Variants in ST18 observed in about 807,000 individuals in gnomAD.
ST18 encodes ST18 C2H2C-type zinc finger transcription factor.
In ST18, 50 loss-of-function variants were observed where a neutral mutation model predicts 110.0. That is an observed-to-expected ratio of 0.45 (90% CI 0.36 to 0.58). The LOEUF is 0.58. ST18 is among the 20% of genes least tolerant of loss of function. The pLI is 0.00. For synonymous variants in ST18, 461 were observed against 452.4 expected, an observed-to-expected ratio of 1.02 and a Z score of -0.24; for missense variants, 1,306 against 1,280.1, an observed-to-expected ratio of 1.02 and a Z score of -0.31.
At chr8:52,297,628 C>T (rs1444561945) in intron 2 of ST18, among the ~76,000 whole-genome samples, 2 of 152,076 alleles carry the variant, frequency 1.3e-5, no homozygotes, top group Non-Finnish European at 2.9e-5. Context: ...AAGTTAAAGG[C>T]ACCTACATCA....
intron 2 of ST18, among the ~76,000 whole-genome samples, chr8:52,304,004 G>A (rs7816526): frequency 0.99 from 150,421 of 152,270 alleles, 74,322 homozygotes; most frequent in East Asian, 1. Flanking sequence ...ATTTGGGGTG[G>A]TGGGGCATCA....
intron 2 of ST18, among the ~76,000 whole-genome samples, chr8:52,246,226 T>A (rs950912699): frequency 3.9e-5 from 6 of 152,034 alleles, no homozygotes; most frequent in African/African-American, 1.4e-4. Flanking sequence ...TTAAATATTT[T>A]TCAATTATAA....
At chr8:52,310,250 C>A (rs2095881548) in intron 2 of ST18, among the ~76,000 whole-genome samples, 1 of 152,154 alleles carries the variant, frequency 6.6e-6, no homozygotes, top group African/African-American at 2.4e-5. Context: ...GTGTTAGCAG[C>A]AGATAGGTAA....
intron 16 of ST18, among the ~76,000 whole-genome samples, chr8:52,144,110 C>T (rs905369187): frequency 2.6e-5 from 4 of 152,068 alleles, no homozygotes; most frequent in Non-Finnish European, 4.4e-5. Flanking sequence ...TCCTATCAAA[C>T]AATTTATTTA....
chr8:52,274,344 A>T (rs186651394), intron 2 of ST18, among the ~76,000 whole-genome samples: 22 of 152,270 alleles, frequency 1.4e-4, no homozygotes, highest in Non-Finnish European at 2.4e-4. Flanking sequence ...CGTAGATAAG[A>T]CATTCACACG....
Position 52,133,078 on chromosome 8 carries a change from T to C in ST18, c.2423A>G (p.Glu808Gly). 6.2e-7 allele frequency: 1 copy of C among 1,614,198 alleles called. No homozygotes were observed. The highest frequency in any genetic ancestry group is 1.1e-5 in the South Asian group (1 of 91,080). Reference protein sequence around the residue: ...GGVKMTPTKEEKEDPELKCPV... With the variant: ...GGVKMTPTKEGKEDPELKCPV... ...TTACTTCAGTTCAGGGTCTTCTTTT[T>C]CTTCCTTGGTAGGGGTCATTTTGAC... is the stretch of plus-strand genomic sequence containing the variant. The change falls in exon 21 of 26, where the codon GAA (glutamate) becomes GGA (glycine). Residue 808 changes from glutamate to glycine, a missense_variant. Transcript: ENST00000689386.
At chr8:52,245,582 A>C (rs1220032510) in intron 2 of ST18, among the ~76,000 whole-genome samples, 2 of 152,090 alleles carry the variant, frequency 1.3e-5, no homozygotes, top group Non-Finnish European at 2.9e-5. Flanking sequence ...GTACCACAAA[A>C]ATTTTCATTC....
intron 15 of ST18, among the ~76,000 whole-genome samples, chr8:52,157,081 G>A (rs1587238901): frequency 1.3e-5 from 2 of 152,192 alleles, no homozygotes; most frequent in East Asian, 3.9e-4. Flanking sequence ...CTCCCGCCAG[G>A]AGCCCAAGAA....
At chr8:52,323,114 G>A (rs192534747) in intron 2 of ST18, among the ~76,000 whole-genome samples, 266 of 152,236 alleles carry the variant, frequency 1.7e-3, no homozygotes, top group Non-Finnish European at 3.2e-3. Context: ...CTATGTTCAG[G>A]AACTCTGTGC....
intron 2 of ST18, among the ~76,000 whole-genome samples, chr8:52,285,933 G>A (rs1170396857): frequency 6.6e-6 from 1 of 152,184 alleles, no homozygotes; most frequent in Admixed American, 6.5e-5. Flanking sequence ...CCTAAACCAT[G>A]TGGTCAAGCT....
At chr8:52,116,769 T>C (rs1373994183) in intron 24 of ST18, among the ~76,000 whole-genome samples, 1 of 152,178 alleles carries the variant, frequency 6.6e-6, no homozygotes, top group Non-Finnish European at 1.5e-5. Flanking sequence ...TCAACTGTAG[T>C]GCAGACCCCC....
At chr8:52,333,288 A>T (rs1229558254) in intron 2 of ST18, among the ~76,000 whole-genome samples, 1 of 148,792 alleles carries the variant, frequency 6.7e-6, no homozygotes, top group African/African-American at 2.6e-5. Context: ...AGACCTGCAT[A>T]GCATTTTCTA....
chr8:52,381,322 C>A (rs1049161745), intron 2 of ST18, among the ~76,000 whole-genome samples: 5 of 152,136 alleles, frequency 3.3e-5, no homozygotes, highest in African/African-American at 1.2e-4. Flanking sequence ...CATTCCCCAA[C>A]AAAGACAGTC....
intron 2 of ST18, among the ~76,000 whole-genome samples, chr8:52,309,520 C>CAAAAAAAAAAAAAAAAAAAAAAAAA (rs756214451): frequency 2.6e-5 from 1 of 37,768 alleles, no homozygotes; most frequent in Non-Finnish European, 4.9e-5. Context: ...GACTCCATCT[C>CAAAAAAAAAAAAAAAAAAAAAAAAA]AAAAAAAAAA....
intron 16 of ST18, among the ~76,000 whole-genome samples, chr8:52,147,666 C>T (rs1304456743): frequency 1.3e-5 from 2 of 151,748 alleles, no homozygotes; most frequent in Non-Finnish European, 2.9e-5. Context: ...GGATTTTGAA[C>T]CTGCATGAAG....
chr8:52,185,861 C>T (rs1313240028), intron 8 of ST18, among the ~76,000 whole-genome samples: 1 of 152,222 alleles, frequency 6.6e-6, no homozygotes, highest in South Asian at 2.1e-4. Flanking sequence ...AATATCTTCA[C>T]GACCTTGGGG....
intron 2 of ST18, among the ~76,000 whole-genome samples, chr8:52,243,751 T>C (rs1319495649): frequency 1.3e-5 from 2 of 152,188 alleles, no homozygotes; most frequent in Admixed American, 6.5e-5. Flanking sequence ...ATCATCATTG[T>C]TCTGAACAAA....
intron 2 of ST18, among the ~76,000 whole-genome samples, chr8:52,389,407 G>C (rs1181656083): frequency 1.3e-5 from 2 of 152,212 alleles, no homozygotes; most frequent in Non-Finnish European, 2.9e-5. Flanking sequence ...GATGGGATGT[G>C]ATGATATTAA....
intron 21 of ST18, 128 bp downstream of exon 21, chr8:52,132,929 C>T (rs2050288616): frequency 2.9e-6 from 3 of 1,035,924 alleles, no homozygotes; most frequent in Non-Finnish European, 4.3e-6. Flanking sequence ...TAGTTTGACT[C>T]TTGCTTATAT....
Sources: gnomAD v4.1 joint callset for allele counts (sites outside exome capture counted in the v4.1 genomes callset) on GRCh38, gnomAD v4.1.1 for gene constraint, MANE v1.5 for transcripts, NCBI Gene and HGNC (gene_info 2026-07-23, HGNC 2026-07-21) for gene names.